Variants in CKLF observed in about 807,000 individuals in gnomAD.
CKLF encodes the protein chemokine like factor, also known as chemokine-like factor.
In CKLF, 16 loss-of-function variants were observed where a neutral mutation model predicts 12.9. The observed-to-expected ratio is 1.24, with a 90% CI of 0.84 to 1.88. The LOEUF (loss-of-function observed/expected upper bound fraction) is 1.88. Among genes scored for constraint, CKLF ranks in the 40% most tolerant of loss-of-function variants. The probability of loss-of-function intolerance (pLI) is 0.00; values close to 1 mark genes in which losing one functional copy is unlikely to be tolerated. For synonymous variants in CKLF, 61 were observed against 69.0 expected (o/e 0.88, Z 0.57); for missense variants, 172 against 188.5 (o/e 0.91, Z 0.51).
intron 1 of CKLF, among the ~76,000 whole-genome samples, chr16:66,554,002 G>C (rs1407128189): frequency 6.6e-6 from 1 of 152,158 alleles, no homozygotes; most frequent in Non-Finnish European, 1.5e-5. Context: ...AAATACTCAG[G>C]GCAAAAGTGA....
chr16:66,558,057 C>G, intron 1 of CKLF, 133 bp from the exon 2 acceptor site: 1 of 1,364,560 alleles, frequency 7.3e-7, no homozygotes, highest in Non-Finnish European at 1.0e-6. Context: ...ATCCTCCTAC[C>G]TCAGCCTCCC....
chr16:66,555,536 A>G (rs989551881), intron 1 of CKLF, among the ~76,000 whole-genome samples: 39 of 152,228 alleles, frequency 2.6e-4, no homozygotes, highest in African/African-American at 8.9e-4. Context: ...TGGAGTCACC[A>G]TCCACTGAGA....
chr16:66,564,661 G>A (rs918331821), intron 3 of CKLF, among the ~76,000 whole-genome samples: 1 of 152,050 alleles, frequency 6.6e-6, no homozygotes, highest in Admixed American at 6.5e-5. Context: ...TAGTAGAGAC[G>A]GAGTTTCACC....
downstream of CKLF, chr16:66,566,200 C>G: frequency 6.6e-7 from 1 of 1,518,220 alleles, no homozygotes; most frequent in Non-Finnish European, 8.8e-7. This position sits in a 1 kb window ranked among gnomAD's most constrained non-coding sequence, Gnocchi z 4.9. Context: ...TTTTCCGGCA[C>G]CCGGGCCTGG....
At chr16:66,565,673 T>TTTCTC in intron 3 of CKLF, 1 of 565,502 alleles carries the variant, frequency 1.8e-6, no homozygotes, top group Non-Finnish European at 3.2e-6. Flanking sequence ...TAAATTATCT[T>TTTCTC]TTCTCTTTCT....
chr16:66,558,201 G>A lies in CKLF; in HGVS notation c.90G>A (p.Val30=). Residue 30 remains valine (V), a synonymous_variant, in exon 2 of 4, where the codon GTG becomes GTA. Coordinates refer to ENST00000264001, the MANE Select transcript of CKLF (RefSeq NM_016951.4). ...HVKMLRLALT[V]TSMTFFIIAQ... ...TTTTTTTCTTCTAGGCACTAACTGT[G>A]ACATCTATGACCTTTTTTATCATCG... The A allele has an allele frequency of 6.2e-7, 1 of 1,611,118 alleles. No homozygotes were observed. Among genetic ancestry groups the A allele is most frequent in the South Asian group, 1.1e-5 (1 of 89,938 alleles).
chr16:66,558,544 A>C (rs1006383847), intron 2 of CKLF, 196 bp downstream of exon 2: 1 of 625,182 alleles, frequency 1.6e-6, no homozygotes. Context: ...GCCACAGAGC[A>C]TAAGTTCTCT....
downstream of CKLF, chr16:66,566,078 T>A (rs1264070867): frequency 1.2e-6 from 2 of 1,611,818 alleles, no homozygotes; most frequent in Non-Finnish European, 1.7e-6. The surrounding 1 kb of genome is among the most constrained non-coding windows in gnomAD (Gnocchi z 4.9). Flanking sequence ...ACATATTTTC[T>A]GCAGTTATTT....
At position 66,552,602 on chromosome 16, in the gene CKLF, T is replaced by C. The variant is rs1965846548; in HGVS notation, c.-114T>C. The C allele has an allele frequency of 8.5e-6, 13 of 1,523,362 alleles. No individual in the cohort carries two copies. The highest frequency in any genetic ancestry group is 1.2e-5 in the South Asian group (1 of 85,864). The allele number at this position is 1,523,362 out of a possible 1,614,324, so 94.4% of individuals were successfully genotyped here. On this transcript the variant is annotated 5_prime_UTR_variant, in exon 1 of 4. Coordinates refer to ENST00000264001, the MANE Select transcript of CKLF (RefSeq NM_016951.4). ...GCGGGAAGCCGAGCTGGGCGAGAAG[T>C]AGGGGAGGGCGGTGCTCCGCCGCGG...
At chr16:66,563,336 T>G in intron 3 of CKLF, 119 bp downstream of exon 3, 2 of 1,154,646 alleles carry the variant, frequency 1.7e-6, no homozygotes, top group Non-Finnish European at 2.4e-6. Context: ...CCTAGGCCAA[T>G]ATACAATGCC....
At chr16:66,559,246 T>C (rs2011576292) in intron 2 of CKLF, among the ~76,000 whole-genome samples, 1 of 152,224 alleles carries the variant, frequency 6.6e-6, no homozygotes, top group Non-Finnish European at 1.5e-5. Flanking sequence ...AGAGCTATTC[T>C]TAAACCATAA....
intron 2 of CKLF, among the ~76,000 whole-genome samples, chr16:66,560,802 C>G (rs1451345328): frequency 1.7e-5 from 2 of 115,400 alleles, no homozygotes; most frequent in African/African-American, 1.1e-4. Context: ...TAAGTATACA[C>G]ACACACACAC....
intron 1 of CKLF, among the ~76,000 whole-genome samples, chr16:66,556,691 TATTA>T (rs1438899157): frequency 3.3e-5 from 5 of 152,240 alleles, no homozygotes; most frequent in African/African-American, 1.2e-4. Flanking sequence ...ATAGTAATTA[TATTA>T]ATTATAAAGA....
chr16:66,564,376 A>C (rs1211998127), intron 3 of CKLF, among the ~76,000 whole-genome samples: 1 of 152,218 alleles, frequency 6.6e-6, no homozygotes, highest in Non-Finnish European at 1.5e-5. Flanking sequence ...GGAATGTAGA[A>C]TATTTTGTTA....
At chr16:66,559,211 A>T (rs2011575129) in intron 2 of CKLF, among the ~76,000 whole-genome samples, 1 of 152,204 alleles carries the variant, frequency 6.6e-6, no homozygotes, top group South Asian at 2.1e-4. Context: ...CAAGCTGATA[A>T]TTCCTATTAA....
intron 3 of CKLF, among the ~76,000 whole-genome samples, chr16:66,564,853 T>C (rs1485146992): frequency 1.3e-5 from 2 of 152,218 alleles, no homozygotes; most frequent in Admixed American, 1.3e-4. Flanking sequence ...CATATTATGC[T>C]GCTTTCAGAC....
intron 1 of CKLF, among the ~76,000 whole-genome samples, chr16:66,555,359 AATG>A (rs2011395942): frequency 6.6e-6 from 1 of 152,242 alleles, no homozygotes; most frequent in African/African-American, 2.4e-5. Flanking sequence ...CTGGGCAAGA[AATG>A]ATGATGGTGG....
At position 66,552,676 on chromosome 16, in the gene CKLF, A is replaced by C; in HGVS notation, c.-40A>C. On this transcript the variant is annotated 5_prime_UTR_variant, in exon 1 of 4. Coordinates refer to ENST00000264001, the MANE Select transcript of CKLF (RefSeq NM_016951.4). ...AACCTACTCAGGCAGCCAGCTGAGA[A>C]GAGTTGAGGGAAAGTGCTGCTGCTG... The C allele has an allele frequency of 5.0e-6, 8 of 1,613,508 alleles. No individual in the cohort carries two copies. The highest frequency in any genetic ancestry group is 1.3e-5 in the African/African-American group (1 of 75,066).
intron 3 of CKLF, among the ~76,000 whole-genome samples, chr16:66,564,713 G>A (rs930114176): frequency 4.6e-5 from 7 of 152,102 alleles, no homozygotes; most frequent in Non-Finnish European, 8.8e-5. Flanking sequence ...GTCGTGATCC[G>A]CCTGCCTCGG....
Sources: allele counts gnomAD v4.1 joint callset (sites outside exome capture counted in the v4.1 genomes callset), GRCh38; gene constraint gnomAD v4.1.1; non-coding constraint Gnocchi (gnomAD v3.1); transcripts MANE v1.5; gene names NCBI Gene and HGNC (gene_info 2026-07-23, HGNC 2026-07-21).